The following KCNN2 variants were observed in gnomAD, a reference collection of about 807,000 sequenced individuals.
KCNN2 encodes the protein small conductance calcium-activated potassium channel protein 2.
In KCNN2, 24 loss-of-function variants were observed where a neutral mutation model predicts 55.5. The observed-to-expected ratio is 0.43, with a 90% CI of 0.31 to 0.61. KCNN2 has a LOEUF of 0.61. KCNN2 is among the 20% of genes least tolerant of loss of function. The pLI is 0.08. For synonymous variants in KCNN2, 431 were observed against 336.1 expected (o/e 1.28, Z -3.09); for missense variants, 754 against 853.6 (o/e 0.88, Z 1.45).
At chr5:114,479,128 A>T (rs1337819106) in intron 5 of KCNN2, among the ~76,000 whole-genome samples, 1 of 152,058 alleles carries the variant, frequency 6.6e-6, no homozygotes. Flanking sequence ...GCCAAGACCC[A>T]TCAGTGTGCT....
intron 1 of KCNN2, among the ~76,000 whole-genome samples, chr5:114,132,967 C>T (rs1255989723): frequency 2.0e-5 from 3 of 152,148 alleles, no homozygotes; most frequent in Admixed American, 6.5e-5. Flanking sequence ...ACCTTTTATA[C>T]ACCCTAATCA....
At chr5:114,183,532 T>C (rs1024632709) in intron 1 of KCNN2, among the ~76,000 whole-genome samples, 25 of 152,144 alleles carry the variant, frequency 1.6e-4, no homozygotes, top group African/African-American at 4.6e-4. Context: ...TTGATAGATA[T>C]ACAAATAGAT....
rs375667901 is a variant in KCNN2 at position 114,387,637 on chromosome 5, C to G, written c.1219-16801C>G. Reference sequence around the variant, plus strand: ...TGCTAAGGCTCTGAGCAGTTCAGCCCGAAGAATCATTCTGGTCACTTTGTT... The same window carrying G: ...TGCTAAGGCTCTGAGCAGTTCAGCCGGAAGAATCATTCTGGTCACTTTGTT... On this transcript the variant is annotated intron_variant, in intron 2 of 7. Transcript: ENST00000673685. 3.9e-5 allele frequency among the ~76,000 whole-genome samples: 6 copies of G among 152,086 alleles called. No individual in the cohort carries two copies. In the East Asian group the frequency reaches 5.8e-4, roughly 15 times the overall value.
intron 2 of KCNN2, among the ~76,000 whole-genome samples, chr5:114,348,382 C>G (rs1757152184): frequency 6.6e-6 from 1 of 151,826 alleles, no homozygotes. Context: ...TGTAACTAAC[C>G]TGCACATTGT....
At chr5:114,093,876 C>A (rs1751200306) in intron 1 of KCNN2, among the ~76,000 whole-genome samples, 1 of 152,088 alleles carries the variant, frequency 6.6e-6, no homozygotes, top group South Asian at 2.1e-4. Context: ...GGACATAAAG[C>A]CTAACCATAG....
At chr5:114,404,940 G>A (rs575581400) in intron 3 of KCNN2, 84 bp downstream of exon 3, 494 of 1,190,180 alleles carry the variant, frequency 4.2e-4, no homozygotes, top group African/African-American at 1.1e-3. Context: ...GACTTGAGAC[G>A]TGTAGTGTCT....
In KCNN2 at chr5:114,145,429, C is replaced by T. The variant is rs187209011; in HGVS notation, c.-270-76051C>T. ...TATTGGGATGTGTGAATATAATCAG[C>T]GAGCAATTCCTATTTTGATCTGCCT... On this transcript the variant is annotated intron_variant, in intron 1 of 10. Coordinates refer to the KCNN2 transcript ENST00000512097. Among the ~76,000 whole-genome samples the T allele has an allele frequency of 8.1e-4, 123 of 152,244 alleles. 2 individuals carry two copies. In the East Asian group the frequency reaches 0.014, roughly 18 times the overall value.
At position 114,112,166 on chromosome 5, in the gene KCNN2, A is replaced by G. The variant is rs1751612235; in HGVS notation, c.-271+55666A>G. 2.0e-5 allele frequency among the ~76,000 whole-genome samples: 3 copies of G among 152,360 alleles called. No individual in the cohort carries two copies. In the South Asian group the frequency reaches 6.2e-4, roughly 32 times the overall value. ...TGCAGCCATAAAAAAGGATGAGTTC[A>G]TGTCCTTTGTAGGGACATGGATGAA... On this transcript the variant is annotated intron_variant, in intron 1 of 10. Coordinates refer to the KCNN2 transcript ENST00000512097.
chr5:114,487,190 T>TA lies in KCNN2; in HGVS notation c.2018+13_2018+14insA. 6.2e-7 allele frequency: 1 copy of TA among 1,611,276 alleles called. No homozygotes were observed. Among genetic ancestry groups the TA allele is most frequent in the Non-Finnish European group, 8.5e-7 (1 of 1,178,304 alleles). ...AAGCTATTCATCAGTAAGTATCATT[T>TA]TTCATTTTTATCCTGTTGTTGTGTC... On this transcript the variant is annotated intron_variant, in intron 6 of 7. Coordinates refer to ENST00000673685, the MANE Select transcript of KCNN2 (RefSeq NM_021614.4).
At chr5:114,088,273 G>A (rs144242420) in intron 1 of KCNN2, among the ~76,000 whole-genome samples, 1,674 of 151,984 alleles carry the variant, frequency 0.011, 12 homozygotes, top group Non-Finnish European at 0.017. Flanking sequence ...AAAGTAATAT[G>A]TCTTGTTTCT....
chr5:114,266,384 G>C (rs1755207511), intron 2 of KCNN2, among the ~76,000 whole-genome samples: 1 of 152,166 alleles, frequency 6.6e-6, no homozygotes, highest in Non-Finnish European at 1.5e-5. Flanking sequence ...TTGGGAGAAA[G>C]AGCAACTGTT....
chr5:114,163,722 T>A (rs1280145621), intron 1 of KCNN2, among the ~76,000 whole-genome samples: 5 of 152,154 alleles, frequency 3.3e-5, no homozygotes, highest in Admixed American at 6.6e-5. Context: ...GGAGGAAGGA[T>A]GTGTGTCTTA....
At chr5:114,385,270 C>T (rs1289655531) in intron 2 of KCNN2, among the ~76,000 whole-genome samples, 2 of 151,718 alleles carry the variant, frequency 1.3e-5, no homozygotes, top group Non-Finnish European at 2.9e-5. Context: ...TTCTCTCTTC[C>T]TTCATAACAT....
chr5:114,181,169 G>C (rs1402823800), intron 1 of KCNN2, among the ~76,000 whole-genome samples: 1 of 152,164 alleles, frequency 6.6e-6, no homozygotes, highest in African/African-American at 2.4e-5. Context: ...TCATAGGGTA[G>C]ATGTAGGTTT....
At chr5:114,253,971 C>CAATTGTTGATA (rs1754931672) in intron 2 of KCNN2, among the ~76,000 whole-genome samples, 1 of 152,064 alleles carries the variant, frequency 6.6e-6, no homozygotes, top group African/African-American at 2.4e-5. Flanking sequence ...AATTGCATGC[C>CAATTGTTGATA]AAGTATACTT....
Position 114,312,424 on chromosome 5 carries a change from CACACACACACATAT to C in KCNN2, c.-184-48519_-184-48506del, listed in dbSNP as rs1350749822. ...ACACACACACACACACACACACACA[CACACACACACATAT>C]ATATATATATATATATATATATATA... On this transcript the variant is annotated intron_variant, in intron 2 of 10. Coordinates refer to the KCNN2 transcript ENST00000512097. Among the ~76,000 whole-genome samples the C allele has an allele frequency of 1.8e-4, 11 of 60,180 alleles. No individual in the cohort carries two copies. In the South Asian group the frequency reaches 2.2e-3, roughly 12 times the overall value. 39.5% of individuals were successfully genotyped at this position (60,180 alleles called of 152,430 possible). A position where few individuals can be genotyped will look rare whatever the true frequency, so the allele number is the denominator to read the frequency against.
chr5:114,078,274 C>T (rs1385704783), intron 1 of KCNN2, among the ~76,000 whole-genome samples: 3 of 152,148 alleles, frequency 2.0e-5, no homozygotes, highest in Non-Finnish European at 2.9e-5. Flanking sequence ...ATACAGAACA[C>T]ATATGACCAA....
At chr5:114,465,496 C>T (rs1043557604) in intron 4 of KCNN2, among the ~76,000 whole-genome samples, 4 of 151,974 alleles carry the variant, frequency 2.6e-5, no homozygotes, top group Non-Finnish European at 4.4e-5. Context: ...CCTATAATCC[C>T]AGCTATTCAG....
chr5:114,287,083 C>T (rs1047880214), intron 2 of KCNN2, among the ~76,000 whole-genome samples: 1 of 152,160 alleles, frequency 6.6e-6, no homozygotes, highest in East Asian at 1.9e-4. Flanking sequence ...GTATTATATG[C>T]AGAAGACGCC....
Sources: allele counts gnomAD v4.1 joint callset (sites outside exome capture counted in the v4.1 genomes callset), GRCh38; gene constraint gnomAD v4.1.1; transcripts MANE v1.5; gene names NCBI Gene and HGNC (gene_info 2026-07-23, HGNC 2026-07-21).